TSBP1: variants seen among roughly 807,000 people sequenced by gnomAD.
The protein encoded by TSBP1 is testis-expressed basic protein 1.
TSBP1 carries 56 observed loss-of-function variants against 68.8 expected under a neutral mutation model. The observed-to-expected ratio is 0.81, with a 90% confidence interval of 0.66 to 1.02. The LOEUF (loss-of-function observed/expected upper bound fraction) is 1.02. Ranked by LOEUF, TSBP1 falls within the 50% of genes least tolerant of loss-of-function variation. The pLI is 0.00. For synonymous variants in TSBP1, 171 were observed against 208.7 expected (o/e 0.82, Z 1.56); for missense variants, 502 against 641.2 (o/e 0.78, Z 2.34).
chr6:32,356,842 T>C (rs1453534359), intron 6 of TSBP1: 1 of 154,412 alleles, frequency 6.5e-6, no homozygotes, highest in Admixed American at 6.5e-5. Flanking sequence ...AAAACTTTCA[T>C]GCGCTGCACT....
chr6:32,333,951 A>G lies in TSBP1; in HGVS notation c.472+1486T>C. On this transcript the variant is annotated intron_variant, in intron 14 of 22. Coordinates refer to ENST00000612031, the Ensembl canonical transcript of TSBP1. This position sits in a 1 kb window ranked among gnomAD's most constrained non-coding sequence, Gnocchi z 4.2. Reference sequence around the variant, plus strand: ...TGGCTATGAGCAGTAAACCAGTTACACATTTAGATATTATGCTAACTTAAT... The same window carrying G: ...TGGCTATGAGCAGTAAACCAGTTACGCATTTAGATATTATGCTAACTTAAT... 3.9e-6 allele frequency: 1 copy of G among 255,690 alleles called. No individual in the cohort carries two copies. The highest frequency in any genetic ancestry group is 3.6e-5 in the South Asian group (1 of 28,082). 15.8% of individuals were successfully genotyped at this position (255,690 alleles called of 1,614,324 possible). A position where few individuals can be genotyped will look rare whatever the true frequency, so the allele number is the denominator to read the frequency against.
chr6:32,308,063 C>T (rs1249071653), intron 19 of TSBP1, among the ~76,000 whole-genome samples: 2 of 151,956 alleles, frequency 1.3e-5, no homozygotes, highest in Admixed American at 1.3e-4. Context: ...GCATGAGCCA[C>T]CGCACCTGGC....
chr6:32,323,510 A>G (rs1767866779), intron 17 of TSBP1, 81 bp downstream of exon 18: 2 of 1,307,384 alleles, frequency 1.5e-6, no homozygotes, highest in Admixed American at 1.7e-5. Flanking sequence ...AGAAATGAGC[A>G]GGGTAGAGAC....
intron 16 of TSBP1, among the ~76,000 whole-genome samples, chr6:32,328,503 C>T (rs563482690): frequency 2.0e-5 from 3 of 151,276 alleles, no homozygotes; most frequent in East Asian, 3.9e-4. Context: ...GCAATCTCCA[C>T]CTCCCAAGTT....
intron 16 of TSBP1, among the ~76,000 whole-genome samples, chr6:32,327,796 A>T (rs1307836323): frequency 1.7e-5 from 2 of 116,336 alleles, no homozygotes; most frequent in East Asian, 2.6e-4. Flanking sequence ...TCATTTTTGT[A>T]GGTTTTTTTT....
At position 32,345,129 on chromosome 6, in the gene TSBP1, A is replaced by T. The variant is rs117366656; in HGVS notation, c.349+4611T>A. ...TTCGGCCTCCCAAAGTGCTGGGATTACAGGTGTAAGCCACCATGCTTGGCC... is the reference window on the plus strand; with the variant it reads ...TTCGGCCTCCCAAAGTGCTGGGATTTCAGGTGTAAGCCACCATGCTTGGCC... On this transcript the variant is annotated intron_variant, in intron 9 of 22. Coordinates refer to ENST00000612031, the Ensembl canonical transcript of TSBP1. 6.9e-3 allele frequency among the ~76,000 whole-genome samples: 1,029 copies of T among 149,582 alleles called. 72 individuals carry two copies. The East Asian group carries it at 0.15, about 22-fold the overall frequency.
intron 9 of TSBP1, among the ~76,000 whole-genome samples, chr6:32,345,537 T>TTTA (rs1554202912): frequency 2.0e-5 from 3 of 151,820 alleles, no homozygotes; most frequent in Admixed American, 6.6e-5. Context: ...TTTTTTTTTT[T>TTTA]ATGCCTAAGT....
intron 19 of TSBP1, among the ~76,000 whole-genome samples, chr6:32,308,748 G>A (rs1457298228): frequency 6.6e-6 from 1 of 151,188 alleles, no homozygotes; most frequent in African/African-American, 2.4e-5. Context: ...ATTAATAGTT[G>A]TCTTTTATTT....
In TSBP1 at chr6:32,325,379, C is replaced by A; in HGVS notation, c.515-1765G>T. The A allele has an allele frequency of 1.0e-6, 1 of 963,174 alleles. No individual in the cohort carries two copies. The highest frequency in any genetic ancestry group is 1.7e-6 in the Non-Finnish European group (1 of 602,658). 59.7% of individuals were successfully genotyped at this position (963,174 alleles called of 1,614,324 possible). On this transcript the variant is annotated intron_variant, in intron 16 of 22. Coordinates refer to ENST00000612031, the Ensembl canonical transcript of TSBP1. The surrounding 1 kb of genome is among the most constrained non-coding windows in gnomAD (Gnocchi z 4.4). ...ATGAGAGATCCAAACCCAAGCACTC[C>A]AGGGGCTTTGGATTTTTCACATATG...
At chr6:32,293,175 C>G (rs765172230) in exon 23 of TSBP1, 9 of 1,608,130 alleles carry the variant, frequency 5.6e-6, no homozygotes, top group Non-Finnish European at 6.8e-6. Flanking sequence ...TTTTCTTTAT[C>G]ATTATTTCCT....
Position 32,335,329 on chromosome 6 carries a change from G to A in TSBP1, c.472+108C>T. ...TACTGGGTGAGATTATGAGGTGGCA[G>A]AAGGACTTGATCCTTGAGTCCTTGG... On this transcript the variant is annotated intron_variant, in intron 14 of 22. Transcript: ENST00000612031. This position sits in a 1 kb window ranked among gnomAD's most constrained non-coding sequence, Gnocchi z 5.5. The A allele has an allele frequency of 9.8e-7, 1 of 1,017,164 alleles. No individual in the cohort carries two copies. The highest frequency in any genetic ancestry group is 1.3e-6 in the Non-Finnish European group (1 of 741,758). The allele number at this position is 1,017,164 out of a possible 1,614,324, so 63.0% of individuals were successfully genotyped here.
At chr6:32,324,586 G>A (rs1229415016) in intron 16 of TSBP1, 2 of 1,538,614 alleles carry the variant, frequency 1.3e-6, no homozygotes, top group Non-Finnish European at 1.8e-6. Context: ...AATATGGGCA[G>A]ATAAAGACTC....
At position 32,357,168 on chromosome 6, in the gene TSBP1, G is replaced by A. The variant is rs6907322; in HGVS notation, c.218-1499C>T. ...ATGTTAGGGGGACTGGAAAGTCAGA[G>A]AAATAGTCATTTGGGTTTATGAATT... On this transcript the variant is annotated intron_variant, in intron 6 of 22. Coordinates refer to ENST00000612031, the Ensembl canonical transcript of TSBP1. The surrounding 1 kb of genome is among the most constrained non-coding windows in gnomAD (Gnocchi z 4.7). Among the ~76,000 whole-genome samples the A allele has an allele frequency of 0.25, 38,266 of 151,942 alleles. 5,364 individuals carry two copies. Among genetic ancestry groups the A allele is most frequent in the East Asian group, 0.4 (2,049 of 5,166 alleles).
chr6:32,371,734 C>T (rs2076535), exon 1 of TSBP1: 20,435 of 1,613,616 alleles, frequency 0.013, 727 homozygotes, highest in East Asian at 0.12. Flanking sequence ...CATCAGGTCT[C>T]GCATCATCTG....
chr6:32,361,231 AG>A lies in TSBP1; in HGVS notation c.217+4935del, dbSNP rs1318085126. Reference sequence around the variant, plus strand: ...AACTCATCATTTTTTATTGCTGCATAGTATTCCATGGTGTATATGTGCCACA... The same window carrying A: ...AACTCATCATTTTTTATTGCTGCATATATTCCATGGTGTATATGTGCCACA... On this transcript the variant is annotated intron_variant, in intron 6 of 22. Transcript: ENST00000612031. The surrounding 1 kb of genome is among the most constrained non-coding windows in gnomAD (Gnocchi z 4.3). Among the ~76,000 whole-genome samples the A allele has an allele frequency of 1.3e-5, 2 of 152,226 alleles. No homozygotes were observed. The highest frequency in any genetic ancestry group is 2.9e-5 in the Non-Finnish European group (2 of 68,034).
At chr6:32,308,485 C>T (rs1766005397) in intron 19 of TSBP1, among the ~76,000 whole-genome samples, 1 of 148,392 alleles carries the variant, frequency 6.7e-6, no homozygotes, top group South Asian at 2.1e-4. Flanking sequence ...GTAGTCCCAG[C>T]TACTTGGGAG....
intron 14 of TSBP1, among the ~76,000 whole-genome samples, chr6:32,332,596 G>GT (rs199644787): frequency 0.086 from 13,023 of 150,694 alleles, 779 homozygotes; most frequent in East Asian, 0.1. Flanking sequence ...AAAACCTTCT[G>GT]TTTTTTTTTG....
chr6:32,326,092 G>A (rs1768192485), intron 16 of TSBP1: 34 of 1,407,562 alleles, frequency 2.4e-5, no homozygotes, highest in Admixed American at 6.7e-5. Flanking sequence ...TGGTGGTGGA[G>A]GCCAATACTT....
At chr6:32,348,819 C>T (rs1201715189) in intron 9 of TSBP1, among the ~76,000 whole-genome samples, 17 of 152,138 alleles carry the variant, frequency 1.1e-4, no homozygotes, top group Non-Finnish European at 1.5e-5. Context: ...CTCTCCTTGT[C>T]CCCTACTCCC....
Sources: gnomAD v4.1 joint callset for allele counts (sites outside exome capture counted in the v4.1 genomes callset) on GRCh38, gnomAD v4.1.1 for gene constraint, Gnocchi (gnomAD v3.1) non-coding constraint, MANE v1.5 for transcripts, NCBI Gene and HGNC (gene_info 2026-07-23, HGNC 2026-07-21) for gene names.